The following XKR9 variants were observed in gnomAD, a reference collection of about 807,000 sequenced individuals.
XKR9 encodes XK related 9.
XKR9 carries 32 observed loss-of-function variants against 32.0 expected under a neutral mutation model. The ratio of observed to expected loss-of-function variants is 1.00; its 90% CI spans 0.76 to 1.34. The LOEUF is 1.34. Among genes scored for constraint, XKR9 ranks in the 40% most tolerant of loss-of-function variants. The pLI, the probability that XKR9 is intolerant of heterozygous loss-of-function variation, is 0.00. For missense variants in XKR9, 546 were observed against 429.7 expected, an observed-to-expected ratio of 1.27 and a Z score of -2.39; for synonymous variants, 168 against 143.4, an observed-to-expected ratio of 1.17 and a Z score of -1.22.
At chr8:70,844,905 C>G in the XKR9 span, among the ~76,000 whole-genome samples, 1 of 152,216 alleles carries the variant, frequency 6.6e-6, no homozygotes, top group African/African-American at 2.4e-5. Flanking sequence ...TCCAGGGGAC[C>G]AAGGATCTGC....
At chr8:70,951,865 A>ATT in the XKR9 span, among the ~76,000 whole-genome samples, 6 of 129,864 alleles carry the variant, frequency 4.6e-5, no homozygotes, top group African/African-American at 1.6e-4. Context: ...CCATAGCATC[A>ATT]TTGGGGGGGG....
chr8:70,952,830 C>T, the XKR9 span, among the ~76,000 whole-genome samples: 1 of 152,216 alleles, frequency 6.6e-6, no homozygotes, highest in African/African-American at 2.4e-5. Context: ...CACCACTAAC[C>T]ACTGCTACTC....
At chr8:70,902,934 G>T in the XKR9 span, among the ~76,000 whole-genome samples, 2 of 152,186 alleles carry the variant, frequency 1.3e-5, no homozygotes, top group South Asian at 4.1e-4. Flanking sequence ...TTATATGATG[G>T]ATTATGTGTA....
chr8:71,041,217 C>A, the XKR9 span, among the ~76,000 whole-genome samples: 703 of 152,092 alleles, frequency 4.6e-3, 6 homozygotes, highest in African/African-American at 0.016. Context: ...AAAGAAAGAC[C>A]GAGTTCCTGA....
the XKR9 span, among the ~76,000 whole-genome samples, chr8:70,965,522 T>G: frequency 6.6e-6 from 1 of 152,222 alleles, no homozygotes; most frequent in Non-Finnish European, 1.5e-5. Context: ...TCAGTAGAAA[T>G]GGTACCAGCT....
chr8:70,851,293 A>G, the XKR9 span, among the ~76,000 whole-genome samples: 1 of 152,224 alleles, frequency 6.6e-6, no homozygotes, highest in Non-Finnish European at 1.5e-5. Flanking sequence ...GCACACAAAC[A>G]AATGGAAAAA....
At chr8:70,681,460 C>T (rs1010162878) in intron 3 of XKR9, 130 bp downstream of exon 3, 5 of 1,126,860 alleles carry the variant, frequency 4.4e-6, no homozygotes, top group Non-Finnish European at 6.3e-6. Flanking sequence ...GTTACTTGCT[C>T]CTCACTATTG....
the XKR9 span, among the ~76,000 whole-genome samples, chr8:70,842,547 TACAC>T: frequency 0.024 from 3,550 of 148,830 alleles, 59 homozygotes; most frequent in African/African-American, 0.035. Flanking sequence ...CATCATTATT[TACAC>T]ACACACACAC....
At chr8:70,846,896 T>C in the XKR9 span, among the ~76,000 whole-genome samples, 3 of 152,168 alleles carry the variant, frequency 2.0e-5, no homozygotes, top group South Asian at 6.2e-4. Flanking sequence ...TATTGGGGAC[T>C]GCAACACACC....
At chr8:71,027,710 G>C in the XKR9 span, among the ~76,000 whole-genome samples, 1 of 151,502 alleles carries the variant, frequency 6.6e-6, no homozygotes, top group African/African-American at 2.4e-5. Flanking sequence ...TGGTTATTCA[G>C]GGTCTTTTGT....
At chr8:70,867,567 T>C in the XKR9 span, among the ~76,000 whole-genome samples, 1 of 152,224 alleles carries the variant, frequency 6.6e-6, no homozygotes, top group Non-Finnish European at 1.5e-5. Flanking sequence ...CTCTCCTGCC[T>C]CAGCCTCCCA....
At chr8:70,747,616 A>G (rs1315376419) in intron 2 of XKR9, among the ~76,000 whole-genome samples, 4 of 152,194 alleles carry the variant, frequency 2.6e-5, no homozygotes, top group Non-Finnish European at 5.9e-5. Flanking sequence ...CTGAACTGTA[A>G]GAAACACATT....
chr8:70,971,679 G>A, the XKR9 span, among the ~76,000 whole-genome samples: 1 of 152,072 alleles, frequency 6.6e-6, no homozygotes, highest in Non-Finnish European at 1.5e-5. Flanking sequence ...TTCTACATGT[G>A]GCTTGCCAAT....
chr8:70,979,014 C>T, the XKR9 span, among the ~76,000 whole-genome samples: 1 of 152,072 alleles, frequency 6.6e-6, no homozygotes, highest in Admixed American at 6.5e-5. Context: ...CCCTTTCTTC[C>T]ACTTGATCAA....
chr8:70,823,836 G>T, the XKR9 span, among the ~76,000 whole-genome samples: 48 of 152,220 alleles, frequency 3.2e-4, 1 homozygote, highest in South Asian at 8.5e-3. Flanking sequence ...AGTGGACAGG[G>T]GTCTATATAG....
the XKR9 span, among the ~76,000 whole-genome samples, chr8:70,922,754 T>C: frequency 1.3e-5 from 2 of 152,194 alleles, no homozygotes; most frequent in Non-Finnish European, 2.9e-5. Flanking sequence ...AGTAGTAAAA[T>C]TTTAGCAGTT....
At chr8:70,967,955 G>A in the XKR9 span, among the ~76,000 whole-genome samples, 3 of 152,158 alleles carry the variant, frequency 2.0e-5, no homozygotes, top group South Asian at 4.2e-4. Context: ...GGAGTTCTCT[G>A]GATTTCCTGA....
chr8:70,975,510 A>C, the XKR9 span, among the ~76,000 whole-genome samples: 2 of 152,294 alleles, frequency 1.3e-5, no homozygotes, highest in Non-Finnish European at 2.9e-5. Flanking sequence ...TCCTTTCCCC[A>C]TTGCTTGTTT....
chr8:70,928,161 G>A, the XKR9 span, among the ~76,000 whole-genome samples: 13 of 152,070 alleles, frequency 8.5e-5, no homozygotes, highest in Admixed American at 2.0e-4. Context: ...TCCTGCTGTA[G>A]CCTCCCAAGT....
Sources: gnomAD v4.1 joint callset for allele counts (sites outside exome capture counted in the v4.1 genomes callset) on GRCh38, gnomAD v4.1.1 for gene constraint, MANE v1.5 for transcripts, NCBI Gene and HGNC (gene_info 2026-07-23, HGNC 2026-07-21) for gene names.